Variants in FIG4 observed in about 807,000 individuals in gnomAD.
FIG4 encodes polyphosphoinositide phosphatase.
Under a neutral mutation model 118.6 loss-of-function variants are expected in FIG4, and 112 were observed. The ratio of observed to expected loss-of-function variants is 0.94; its 90% CI spans 0.81 to 1.11. The LOEUF (loss-of-function observed/expected upper bound fraction) is 1.11, where lower values mean the gene tolerates loss of function less well. Ranked by LOEUF, FIG4 falls within the 50% of genes least tolerant of loss-of-function variation. The pLI is 0.00. For missense variants in FIG4, 969 were observed against 1,111.7 expected (o/e 0.87, Z 1.83); for synonymous variants, 369 against 381.2 (o/e 0.97, Z 0.37).
At chr6:109,805,231 C>T (rs1406281964) in intron 22 of FIG4, among the ~76,000 whole-genome samples, 4 of 152,058 alleles carry the variant, frequency 2.6e-5, no homozygotes, top group African/African-American at 9.7e-5. Context: ...TTTTAGATTC[C>T]CTACTGCTAC....
chr6:109,812,696 G>C (rs1376611580), intron 22 of FIG4, among the ~76,000 whole-genome samples: 1 of 152,182 alleles, frequency 6.6e-6, no homozygotes, highest in African/African-American at 2.4e-5. Context: ...AGCCCACTTG[G>C]AATGAATTTA....
intron 5 of FIG4, among the ~76,000 whole-genome samples, chr6:109,733,322 A>G (rs752282212): frequency 6.6e-6 from 1 of 152,154 alleles, no homozygotes. Context: ...CAAGTAGATT[A>G]TTACAGCATC....
At chr6:109,727,832 A>G (rs371240870) in intron 4 of FIG4, among the ~76,000 whole-genome samples, 3 of 152,318 alleles carry the variant, frequency 2.0e-5, no homozygotes, top group East Asian at 3.9e-4. Context: ...AGATAAATAC[A>G]TACCACTGGA....
In FIG4 at chr6:109,825,405, G is replaced by C; in HGVS notation, c.*140G>C. The C allele has an allele frequency of 1.4e-6, 1 of 732,636 alleles. No homozygotes were observed. The highest frequency in any genetic ancestry group is 2.4e-6 in the Non-Finnish European group (1 of 421,886). The allele number at this position is 732,636 out of a possible 1,614,324, so 45.4% of individuals were successfully genotyped here. On this transcript the variant is annotated 3_prime_UTR_variant, in exon 23 of 23. Transcript: ENST00000230124. ...TGTCACTTGCAAATTCCAAATTATA[G>C]CTAATAAAGATGACTAGATAATTTG... is the stretch of plus-strand genomic sequence containing the variant.
In FIG4 at chr6:109,825,328, T is replaced by A; in HGVS notation, c.*63T>A. On this transcript the variant is annotated 3_prime_UTR_variant, in exon 23 of 23. Coordinates refer to ENST00000230124, the MANE Select transcript of FIG4 (RefSeq NM_014845.6). ...GCTTAGAACCTGTCTTGTCTCATCT[T>A]CAAAAGGTAACTTATTAAAAGTCCT... is the stretch of plus-strand genomic sequence containing the variant. The A allele has an allele frequency of 6.7e-7, 1 of 1,487,654 alleles. No individual in the cohort carries two copies. Among genetic ancestry groups the A allele is most frequent in the Non-Finnish European group, 9.4e-7 (1 of 1,067,390 alleles). 92.2% of individuals were successfully genotyped at this position (1,487,654 alleles called of 1,614,324 possible).
intron 2 of FIG4, 68 bp from the exon 3 acceptor site, chr6:109,716,377 T>C (rs1365411002): frequency 1.3e-6 from 2 of 1,564,556 alleles, no homozygotes; most frequent in Admixed American, 1.7e-5. Context: ...TTTTTAACTT[T>C]CAGGCACAAA....
At chr6:109,752,120 A>G (rs917462803) in intron 10 of FIG4, among the ~76,000 whole-genome samples, 1 of 151,532 alleles carries the variant, frequency 6.6e-6, no homozygotes, top group Admixed American at 6.6e-5. Flanking sequence ...TAGTTTACTG[A>G]GAATGATGAT....
chr6:109,727,014 A>G, intron 3 of FIG4, 95 bp from the exon 4 acceptor site: 4 of 934,878 alleles, frequency 4.3e-6, no homozygotes, highest in Non-Finnish European at 5.2e-6. Context: ...TAATAAAGTG[A>G]GAAATGTATC....
chr6:109,784,389 C>A (rs1777892284), intron 16 of FIG4, among the ~76,000 whole-genome samples: 1 of 152,210 alleles, frequency 6.6e-6, no homozygotes, highest in Admixed American at 6.5e-5. Flanking sequence ...TCAAGTAGCA[C>A]ATATTTACAG....
intron 3 of FIG4, among the ~76,000 whole-genome samples, chr6:109,726,568 G>T (rs951270101): frequency 9.2e-5 from 14 of 152,040 alleles, no homozygotes; most frequent in Admixed American, 6.6e-5. Context: ...GCTTAGGATT[G>T]TCTTGGTGTC....
intron 10 of FIG4, among the ~76,000 whole-genome samples, chr6:109,759,531 G>GA (rs1416848460): frequency 1.6e-4 from 24 of 152,304 alleles, no homozygotes; most frequent in African/African-American, 4.3e-4. Context: ...GAGGCCTAGG[G>GA]AAATTGAGAA....
At chr6:109,768,907 C>A (rs2128393081) in intron 15 of FIG4, among the ~76,000 whole-genome samples, 1 of 152,172 alleles carries the variant, frequency 6.6e-6, no homozygotes. Context: ...AGTCTGAAAT[C>A]TAAGTGTTGA....
At chr6:109,815,601 A>T (rs1430185442) in intron 22 of FIG4, among the ~76,000 whole-genome samples, 1 of 147,720 alleles carries the variant, frequency 6.8e-6, no homozygotes, top group Non-Finnish European at 1.5e-5. Context: ...TACCCATCTG[A>T]GGGCTCTAGG....
At chr6:109,757,158 A>T (rs1283011889) in intron 10 of FIG4, among the ~76,000 whole-genome samples, 1 of 143,774 alleles carries the variant, frequency 7.0e-6, no homozygotes, top group African/African-American at 2.5e-5. Context: ...CAGCTCCTGG[A>T]TTCATTGATT....
intron 10 of FIG4, among the ~76,000 whole-genome samples, chr6:109,753,861 G>T (rs975149224): frequency 6.6e-6 from 1 of 152,122 alleles, no homozygotes; most frequent in Admixed American, 6.6e-5. Context: ...GGGTTTTCTA[G>T]ATATACAATC....
chr6:109,738,303 G>A, intron 6 of FIG4, 22 bp from the exon 7 acceptor site: 1 of 1,585,210 alleles, frequency 6.3e-7, no homozygotes, highest in Non-Finnish European at 8.7e-7. Context: ...TTTATGGACT[G>A]ATACAGACTT....
rs199801181 is a variant in FIG4, at chr6:109,789,649, C to G, written c.2152C>G (p.Pro718Ala). The stretch of plus-strand genomic sequence containing the variant: ...TCCAAGTCCATTTACTGTGCGTAAA[C>G]CAGATGAAACTGGAAAATCAGTATT... Reference protein sequence around the residue: ...IDPSPFTVRKPDETGKSVLGN... With the variant: ...IDPSPFTVRKADETGKSVLGN... Residue 718 changes from proline to alanine, a missense_variant, in exon 19 of 23, where the codon CCA becomes GCA. Physicochemically the swap from Pro to Ala is conservative, Grantham distance 27. Coordinates refer to ENST00000230124, the MANE Select transcript of FIG4 (RefSeq NM_014845.6). 41 of 1,613,166 alleles carry G rather than the reference C, an allele frequency of 2.5e-5. No individual in the cohort carries two copies. The highest frequency in any genetic ancestry group is 3.4e-5 in the Non-Finnish European group (40 of 1,179,328).
intron 10 of FIG4, among the ~76,000 whole-genome samples, chr6:109,756,003 C>A (rs147088089): frequency 1.3e-5 from 2 of 152,120 alleles, no homozygotes; most frequent in Non-Finnish European, 2.9e-5. Context: ...TTATTTTGCT[C>A]GTTAGTTGAT....
intron 1 of FIG4, among the ~76,000 whole-genome samples, chr6:109,695,208 T>C (rs1314558114): frequency 6.6e-6 from 1 of 152,234 alleles, no homozygotes; most frequent in Non-Finnish European, 1.5e-5. Flanking sequence ...AGCCATTTAA[T>C]TCATCCACAA....
Sources: gnomAD v4.1 joint callset for allele counts (sites outside exome capture counted in the v4.1 genomes callset) on GRCh38, gnomAD v4.1.1 for gene constraint, MANE v1.5 for transcripts, NCBI Gene and HGNC (gene_info 2026-07-23, HGNC 2026-07-21) for gene names.